Variants in PRTFDC1 observed in about 807,000 individuals in gnomAD.
PRTFDC1 encodes the protein phosphoribosyl transferase domain containing 1, also known as phosphoribosyltransferase domain-containing protein 1.
Under a neutral mutation model 34.6 loss-of-function variants are expected in PRTFDC1, and 38 were observed. That is an observed-to-expected ratio of 1.10 (90% CI 0.85 to 1.44). The LOEUF (loss-of-function observed/expected upper bound fraction) is 1.44, where lower values mean the gene tolerates loss of function less well. PRTFDC1 is among the 40% of genes most tolerant of loss of function. The pLI is 0.00. For missense variants in PRTFDC1, 270 were observed against 283.0 expected (o/e 0.95, Z 0.33); for synonymous variants, 93 against 98.1 (o/e 0.95, Z 0.31).
intron 3 of PRTFDC1, among the ~76,000 whole-genome samples, chr10:24,916,836 C>T (rs1454832710): frequency 1.3e-5 from 2 of 152,150 alleles, no homozygotes; most frequent in African/African-American, 4.8e-5. Context: ...AACTATTTGG[C>T]GAGTGAATGG....
intron 3 of PRTFDC1, among the ~76,000 whole-genome samples, chr10:24,935,856 C>T (rs996682476): frequency 3.9e-5 from 6 of 152,186 alleles, no homozygotes; most frequent in Non-Finnish European, 2.9e-5. Flanking sequence ...TCTACCAACT[C>T]CAGCCTACAG....
At chr10:24,945,818 G>A (rs912584178) in intron 1 of PRTFDC1, among the ~76,000 whole-genome samples, 2 of 152,160 alleles carry the variant, frequency 1.3e-5, no homozygotes, top group African/African-American at 4.8e-5. Context: ...AAACTGGCCG[G>A]TGGGACTGCT....
intron 1 of PRTFDC1, among the ~76,000 whole-genome samples, chr10:24,945,157 T>C (rs1291101978): frequency 6.6e-6 from 1 of 152,180 alleles, no homozygotes; most frequent in Admixed American, 6.5e-5. Flanking sequence ...CACTGGATGA[T>C]GTGTGTGTGC....
At chr10:24,950,329 G>T (rs947745926) in intron 1 of PRTFDC1, among the ~76,000 whole-genome samples, 13 of 152,038 alleles carry the variant, frequency 8.6e-5, no homozygotes, top group Admixed American at 4.6e-4. Flanking sequence ...TGGAATATTT[G>T]CATTATACTT....
chr10:24,881,372 A>G (rs1010919293), intron 3 of PRTFDC1, among the ~76,000 whole-genome samples: 1 of 151,988 alleles, frequency 6.6e-6, no homozygotes, highest in African/African-American at 2.4e-5. Context: ...CTTTCTCTCA[A>G]TGGACAGCAG....
intron 3 of PRTFDC1, among the ~76,000 whole-genome samples, chr10:24,892,755 T>C (rs1848286756): frequency 6.6e-6 from 1 of 151,982 alleles, no homozygotes; most frequent in Admixed American, 6.6e-5. Context: ...ACAAGGCAAG[T>C]GGCAATGAAG....
intron 2 of PRTFDC1, 43 bp from the exon 3 acceptor site, chr10:24,937,410 G>A: frequency 3.3e-6 from 5 of 1,520,656 alleles, no homozygotes; most frequent in Non-Finnish European, 4.5e-6. Context: ...AACTACTTCT[G>A]AGTATTTATG....
At chr10:24,933,595 TA>T (rs1356861857) in intron 3 of PRTFDC1, among the ~76,000 whole-genome samples, 1 of 151,552 alleles carries the variant, frequency 6.6e-6, no homozygotes, top group Non-Finnish European at 1.5e-5. Flanking sequence ...GAAAAACTGA[TA>T]ATACTAAGTG....
intron 3 of PRTFDC1, among the ~76,000 whole-genome samples, chr10:24,905,206 A>C (rs1442415645): frequency 6.6e-6 from 1 of 151,684 alleles, no homozygotes; most frequent in Non-Finnish European, 1.5e-5. Context: ...CCAGCTACTT[A>C]GGAGTCAGAG....
chr10:24,951,639 C>T (rs1849347102), intron 1 of PRTFDC1: 1 of 980,814 alleles, frequency 1.0e-6, no homozygotes, highest in African/African-American at 1.7e-5. Flanking sequence ...GCCCCACCCA[C>T]CATCCTCACC....
chr10:24,867,872 T>G (rs565519118), intron 4 of PRTFDC1: 1 of 151,696 alleles, frequency 6.6e-6, no homozygotes, highest in South Asian at 2.1e-4. Flanking sequence ...GGCATGATCT[T>G]GGCTCACTGC....
chr10:24,871,846 AG>A, intron 4 of PRTFDC1, 151 bp downstream of exon 4: 1 of 609,840 alleles, frequency 1.6e-6, no homozygotes, highest in Non-Finnish European at 2.9e-6. Context: ...TGTTTTAGAA[AG>A]GGGAGATCAT....
intron 4 of PRTFDC1, among the ~76,000 whole-genome samples, chr10:24,860,189 G>A (rs558941126): frequency 5.8e-4 from 89 of 152,210 alleles, no homozygotes; most frequent in African/African-American, 2.0e-3. Context: ...AGACCAGCCT[G>A]GCCAATTTGG....
rs376782796 is a variant in PRTFDC1, at chr10:24,884,695, C to T, written c.340-12632G>A. Among the ~76,000 whole-genome samples, 786 of 152,320 alleles carry T rather than the reference C, an allele frequency of 5.2e-3. 8 individuals are homozygous for T. The highest frequency in any genetic ancestry group is 0.018 in the African/African-American group (758 of 41,566). On this transcript the variant is annotated intron_variant, in intron 3 of 8. Coordinates refer to ENST00000320152, the MANE Select transcript of PRTFDC1 (RefSeq NM_020200.7). Reference sequence around the variant, plus strand: ...ACATGTATGCTGAAGTAGGCCTGCCCTCCTCTTTGCAGGGTAGAGTTAGGG... The same window carrying T: ...ACATGTATGCTGAAGTAGGCCTGCCTTCCTCTTTGCAGGGTAGAGTTAGGG...
intron 1 of PRTFDC1, among the ~76,000 whole-genome samples, chr10:24,948,178 C>T (rs944568455): frequency 1.3e-5 from 2 of 152,156 alleles, no homozygotes; most frequent in Admixed American, 6.5e-5. Context: ...ATAACAGAAA[C>T]ACAACAATCA....
At chr10:24,880,228 G>A (rs1848042565) in intron 3 of PRTFDC1, among the ~76,000 whole-genome samples, 1 of 151,680 alleles carries the variant, frequency 6.6e-6, no homozygotes, top group African/African-American at 2.4e-5. Flanking sequence ...CTTGACATCT[G>A]TCTTTAGTAT....
At chr10:24,858,515 G>T (rs1847620935) in intron 4 of PRTFDC1, 106 bp from the exon 5 acceptor site, 1 of 1,142,354 alleles carries the variant, frequency 8.8e-7, no homozygotes, top group Admixed American at 1.8e-5. Context: ...TACTTAGACG[G>T]TCCTTCCCCA....
intron 3 of PRTFDC1, among the ~76,000 whole-genome samples, chr10:24,927,823 G>A (rs1848903646): frequency 6.8e-6 from 1 of 147,886 alleles, no homozygotes; most frequent in South Asian, 2.1e-4. Flanking sequence ...CCTGTGATCT[G>A]CCTGCCTCAG....
chr10:24,891,529 C>A (rs117721347), intron 3 of PRTFDC1, among the ~76,000 whole-genome samples: 4,188 of 152,126 alleles, frequency 0.028, 61 homozygotes, highest in African/African-American at 0.041. Context: ...GCAGTGGCTC[C>A]TGTCCATAAT....
Sources: allele counts gnomAD v4.1 joint callset (sites outside exome capture counted in the v4.1 genomes callset), GRCh38; gene constraint gnomAD v4.1.1; transcripts MANE v1.5; gene names NCBI Gene and HGNC (gene_info 2026-07-23, HGNC 2026-07-21).